Variants in MAPK10 observed in about 807,000 individuals in gnomAD.
MAPK10 encodes the protein mitogen-activated protein kinase 10, also known as JNK3 alpha protein kinase.
Under a neutral mutation model 59.3 loss-of-function variants are expected in MAPK10, and 25 were observed. The ratio of observed to expected loss-of-function variants is 0.42; its 90% CI spans 0.31 to 0.59. The LOEUF is 0.59. Among genes scored for constraint, MAPK10 ranks in the 20% least tolerant of loss-of-function variants. The pLI is 0.15. For missense variants in MAPK10, 351 were observed against 568.9 expected, an observed-to-expected ratio of 0.62 and a Z score of 3.90; for synonymous variants, 190 against 200.5, an observed-to-expected ratio of 0.95 and a Z score of 0.44.
At chr4:86,574,307 G>C (rs1394356221) in intron 1 of MAPK10, among the ~76,000 whole-genome samples, 1 of 151,760 alleles carries the variant, frequency 6.6e-6, no homozygotes, top group African/African-American at 2.4e-5. Flanking sequence ...GTCTATCATT[G>C]TTGGACATTT....
At chr4:86,476,411 G>A (rs1169317298) in intron 1 of MAPK10, among the ~76,000 whole-genome samples, 1 of 152,130 alleles carries the variant, frequency 6.6e-6, no homozygotes, top group Non-Finnish European at 1.5e-5. Flanking sequence ...GCATAGTCAA[G>A]GTTAATGCTC....
intron 1 of MAPK10, among the ~76,000 whole-genome samples, chr4:86,549,748 G>A (rs1263796671): frequency 1.3e-5 from 2 of 152,306 alleles, no homozygotes; most frequent in East Asian, 1.9e-4. Context: ...AGGAGGCCGA[G>A]GTGTGAGGAT....
intron 1 of MAPK10, among the ~76,000 whole-genome samples, chr4:86,485,200 G>A (rs1415108879): frequency 2.0e-5 from 3 of 152,000 alleles, no homozygotes; most frequent in Non-Finnish European, 4.4e-5. Flanking sequence ...TTAGATCCCA[G>A]CATGAAGATC....
chr4:86,554,110 G>A (rs866829706), intron 1 of MAPK10, among the ~76,000 whole-genome samples: 4 of 151,976 alleles, frequency 2.6e-5, no homozygotes, highest in South Asian at 2.1e-4. Context: ...GGCCTTTAAC[G>A]GGAAAGATTT....
chr4:86,233,094 C>T (rs2091811273), intron 2 of MAPK10, among the ~76,000 whole-genome samples: 1 of 152,098 alleles, frequency 6.6e-6, no homozygotes, highest in South Asian at 2.1e-4. Flanking sequence ...AAGATGAGAT[C>T]CAAAGAGTTT....
intron 2 of MAPK10, among the ~76,000 whole-genome samples, chr4:86,289,003 C>T (rs941643508): frequency 2.6e-5 from 4 of 151,214 alleles, no homozygotes; most frequent in Non-Finnish European, 4.4e-5. Context: ...AAACACTATA[C>T]TTTCAGGTGG....
intron 4 of MAPK10, among the ~76,000 whole-genome samples, chr4:86,134,329 C>A (rs577121447): frequency 6.6e-6 from 1 of 152,250 alleles, no homozygotes; most frequent in Admixed American, 6.5e-5. Context: ...AGTGTGATAA[C>A]TACATTATAT....
intron 1 of MAPK10, among the ~76,000 whole-genome samples, chr4:86,437,038 A>C (rs962064312): frequency 1.8e-4 from 28 of 152,052 alleles, no homozygotes; most frequent in South Asian, 6.2e-4. Flanking sequence ...CGGTGAAACC[A>C]CATCTCTACT....
intron 1 of MAPK10, among the ~76,000 whole-genome samples, chr4:86,366,922 T>C (rs1426103795): frequency 6.6e-6 from 1 of 152,170 alleles, no homozygotes; most frequent in Non-Finnish European, 1.5e-5. Flanking sequence ...ATTTCTCATG[T>C]TCTAACACTT....
chr4:86,245,311 A>ATTT (rs35547091), intron 2 of MAPK10, among the ~76,000 whole-genome samples: 3 of 137,338 alleles, frequency 2.2e-5, no homozygotes, highest in African/African-American at 5.4e-5. Context: ...ACAAGTGCCA[A>ATTT]TTTTTTTTTT....
intron 2 of MAPK10, among the ~76,000 whole-genome samples, chr4:86,249,840 G>C (rs1429890539): frequency 1.3e-5 from 2 of 152,092 alleles, no homozygotes; most frequent in East Asian, 1.9e-4. Context: ...ATACCTATGA[G>C]AGCAAACCAA....
chr4:86,510,790 A>T (rs1051896386), intron 1 of MAPK10, among the ~76,000 whole-genome samples: 2 of 152,148 alleles, frequency 1.3e-5, no homozygotes, highest in African/African-American at 4.8e-5. Context: ...AGGCACAGAA[A>T]AACAAATATA....
At chr4:86,043,610 A>T (rs113697146) in intron 11 of MAPK10, among the ~76,000 whole-genome samples, 1 of 152,184 alleles carries the variant, frequency 6.6e-6, no homozygotes, top group African/African-American at 2.4e-5. Context: ...AAGAGACTAG[A>T]ACATGTTTAT....
intron 1 of MAPK10, among the ~76,000 whole-genome samples, chr4:86,588,202 T>C (rs1378900485): frequency 6.6e-6 from 1 of 152,150 alleles, no homozygotes; most frequent in African/African-American, 2.4e-5. Context: ...TAAAATATTC[T>C]TGAGTTAGAG....
At chr4:86,104,948 T>G (rs1458113297) in intron 5 of MAPK10, among the ~76,000 whole-genome samples, 1 of 152,062 alleles carries the variant, frequency 6.6e-6, no homozygotes, top group Non-Finnish European at 1.5e-5. Context: ...GCTATAAAAT[T>G]TCCATTTTAA....
intron 2 of MAPK10, among the ~76,000 whole-genome samples, chr4:86,205,112 G>A (rs2083506510): frequency 6.6e-6 from 1 of 151,856 alleles, no homozygotes; most frequent in Non-Finnish European, 1.5e-5. Context: ...ATAACACAGA[G>A]CCGTTGAAAG....
intron 1 of MAPK10, among the ~76,000 whole-genome samples, chr4:86,513,341 C>A (rs769177953): frequency 6.6e-6 from 1 of 152,174 alleles, no homozygotes; most frequent in Non-Finnish European, 1.5e-5. Flanking sequence ...AACCACCACA[C>A]CCAAGCAAGG....
chr4:86,453,208 G>A (rs932717742), upstream of MAPK10: 1 of 152,346 alleles, frequency 6.6e-6, no homozygotes, highest in African/African-American at 2.4e-5. Flanking sequence ...AACTCCAGCT[G>A]AACTTTGTAA....
At chr4:86,463,196 A>T (rs1369953671) in intron 1 of MAPK10, among the ~76,000 whole-genome samples, 1 of 152,230 alleles carries the variant, frequency 6.6e-6, no homozygotes, top group African/African-American at 2.4e-5. Context: ...TTACAGCCAG[A>T]ATTGCCTTCT....
Sources: allele counts gnomAD v4.1 joint callset (sites outside exome capture counted in the v4.1 genomes callset), GRCh38; gene constraint gnomAD v4.1.1; transcripts MANE v1.5; gene names NCBI Gene and HGNC (gene_info 2026-07-23, HGNC 2026-07-21).